The following TNR variants were observed in gnomAD, a reference collection of about 807,000 sequenced individuals.
The protein encoded by TNR is tenascin-R.
Under a neutral mutation model 150.4 loss-of-function variants are expected in TNR, and 45 were observed. The ratio of observed to expected loss-of-function variants is 0.30; its 90% confidence interval spans 0.24 to 0.38. The LOEUF (loss-of-function observed/expected upper bound fraction) is 0.38. Among genes scored for constraint, TNR ranks in the 10% least tolerant of loss-of-function variants. TNR has a pLI of 1.00. For synonymous variants in TNR, 687 were observed against 678.4 expected (o/e 1.01, Z -0.20); for missense variants, 1,544 against 1,759.1 (o/e 0.88, Z 2.19).
intron 1 of TNR, among the ~76,000 whole-genome samples, chr1:175,734,198 CT>C (rs2101956454): frequency 6.6e-6 from 1 of 152,324 alleles, no homozygotes; most frequent in Admixed American, 6.5e-5. Context: ...CCTTGTGCCC[CT>C]GATCTCCAGC....
At chr1:175,602,752 A>G (rs1663288369) in intron 1 of TNR, among the ~76,000 whole-genome samples, 1 of 152,222 alleles carries the variant, frequency 6.6e-6, no homozygotes, top group Non-Finnish European at 1.5e-5. Context: ...AGAAGTGCTC[A>G]TTTTATCCCC....
intron 9 of TNR, among the ~76,000 whole-genome samples, chr1:175,374,697 G>A (rs1652291249): frequency 6.6e-6 from 1 of 152,198 alleles, no homozygotes; most frequent in Admixed American, 6.5e-5. Flanking sequence ...TTGTCAACTG[G>A]AGATAGAGAT....
At chr1:175,478,298 A>G (rs1657637590) in intron 2 of TNR, among the ~76,000 whole-genome samples, 2 of 152,180 alleles carry the variant, frequency 1.3e-5, no homozygotes, top group South Asian at 2.1e-4. Context: ...CAACATTAGT[A>G]TGGGAGGAAG....
intron 1 of TNR, among the ~76,000 whole-genome samples, chr1:175,643,014 G>C (rs886638852): frequency 7.2e-5 from 11 of 152,164 alleles, no homozygotes; most frequent in African/African-American, 2.4e-4. Flanking sequence ...ACTGGAAAGA[G>C]GGGCAAGTGA....
intron 1 of TNR, among the ~76,000 whole-genome samples, chr1:175,664,622 C>T (rs1178935535): frequency 2.0e-5 from 3 of 152,160 alleles, no homozygotes; most frequent in Non-Finnish European, 4.4e-5. Flanking sequence ...TGCAAAGCTT[C>T]CCTAGAACTG....
chr1:175,577,083 T>G (rs1331535121), intron 1 of TNR, among the ~76,000 whole-genome samples: 1 of 152,144 alleles, frequency 6.6e-6, no homozygotes, highest in African/African-American at 2.4e-5. Context: ...CCTTGTGTTA[T>G]TCTCATCTGG....
intron 21 of TNR, among the ~76,000 whole-genome samples, chr1:175,327,941 C>G (rs1239831822): frequency 6.6e-6 from 1 of 152,182 alleles, no homozygotes; most frequent in Non-Finnish European, 1.5e-5. Context: ...AACCCCATCT[C>G]TACTAAAAAT....
Position 175,366,019 on chromosome 1 carries a change from C to T in TNR, c.2173G>A (p.Gly725Arg). 6.2e-7 allele frequency: 1 copy of T among 1,614,106 alleles called. No homozygotes were observed. Among genetic ancestry groups the T allele is most frequent in the Non-Finnish European group, 8.5e-7 (1 of 1,180,018 alleles). The stretch of plus-strand genomic sequence containing the variant: ...GGTACGGTGACTTCTGAGGCAATCC[C>T]AGAGGATGGGGTAAAGGTAATTCGG... Reference protein sequence around the residue: ...HYRITFTPSSGIASEVTVPKD... With the variant: ...HYRITFTPSSRIASEVTVPKD... Residue 725 changes from glycine to arginine, a missense_variant, in exon 11 of 23, where the codon GGG becomes AGG. This residue lies in a region of TNR where 1,254 missense variants were observed against 1,329.4 expected (regional missense o/e 0.94). Transcript: ENST00000367674.
intron 2 of TNR, among the ~76,000 whole-genome samples, chr1:175,460,999 T>C (rs1464572303): frequency 2.0e-5 from 3 of 152,208 alleles, no homozygotes; most frequent in Non-Finnish European, 4.4e-5. Flanking sequence ...GTGCACACAC[T>C]GATGCATGCT....
At chr1:175,533,461 C>T (rs945613800) in intron 1 of TNR, among the ~76,000 whole-genome samples, 6 of 152,168 alleles carry the variant, frequency 3.9e-5, no homozygotes, top group Admixed American at 6.5e-5. Context: ...CCCACTCACC[C>T]GACACCACCC....
At chr1:175,495,944 C>T (rs1250510974) in intron 2 of TNR, among the ~76,000 whole-genome samples, 2 of 152,198 alleles carry the variant, frequency 1.3e-5, no homozygotes, top group African/African-American at 4.8e-5. Context: ...TGTGTTACTT[C>T]CCCACATCCT....
intron 1 of TNR, among the ~76,000 whole-genome samples, chr1:175,612,232 G>T (rs1459141239): frequency 6.6e-6 from 1 of 152,146 alleles, no homozygotes; most frequent in African/African-American, 2.4e-5. Flanking sequence ...ACAGAGATGT[G>T]AGTGGGCCCT....
intron 1 of TNR, among the ~76,000 whole-genome samples, chr1:175,579,165 T>TTTCTTTCC (rs1553242566): frequency 7.4e-6 from 1 of 134,474 alleles, no homozygotes; most frequent in East Asian, 2.1e-4. Context: ...TCGTTCCTTC[T>TTTCTTTCC]TTCCTTCCTT....
intron 1 of TNR, among the ~76,000 whole-genome samples, chr1:175,590,492 C>G (rs1399798755): frequency 6.6e-6 from 1 of 152,138 alleles, no homozygotes; most frequent in Non-Finnish European, 1.5e-5. Flanking sequence ...GCAGAGGATA[C>G]AAAAAGTAAA....
chr1:175,383,388 T>C (rs573413311), intron 8 of TNR, among the ~76,000 whole-genome samples: 2 of 152,284 alleles, frequency 1.3e-5, no homozygotes, highest in South Asian at 4.2e-4. Flanking sequence ...CTTGGAACAT[T>C]GAGGGATCTG....
chr1:175,610,702 G>A (rs147680827), intron 1 of TNR, among the ~76,000 whole-genome samples: 25 of 152,248 alleles, frequency 1.6e-4, no homozygotes, highest in African/African-American at 5.3e-4. Flanking sequence ...TATGGTCACC[G>A]CAGTCCCACT....
intron 1 of TNR, among the ~76,000 whole-genome samples, chr1:175,617,295 G>T (rs191918399): frequency 6.6e-6 from 1 of 152,138 alleles, no homozygotes; most frequent in African/African-American, 2.4e-5. Context: ...ACCCTTTTAG[G>T]TGTTGGTCCC....
intron 18 of TNR, 68 bp downstream of exon 18, chr1:175,354,323 A>G (rs1041775996): frequency 2.7e-5 from 43 of 1,582,828 alleles, no homozygotes; most frequent in Non-Finnish European, 3.5e-5. Flanking sequence ...AAGTCTCAGC[A>G]GAGGCTGCTG....
chr1:175,619,211 G>C (rs1413539765), intron 1 of TNR, among the ~76,000 whole-genome samples: 1 of 152,176 alleles, frequency 6.6e-6, no homozygotes, highest in African/African-American at 2.4e-5. Context: ...GAAAAAGACA[G>C]TTCCATTAGA....
Sources: gnomAD v4.1 joint callset for allele counts (sites outside exome capture counted in the v4.1 genomes callset) on GRCh38, gnomAD v4.1.1 for gene constraint, gnomAD v4.1.1 regional missense constraint, MANE v1.5 for transcripts, NCBI Gene and HGNC (gene_info 2026-07-23, HGNC 2026-07-21) for gene names.